The following NSD1 variants were observed in gnomAD, a reference collection of about 807,000 sequenced individuals.
The protein encoded by NSD1 is histone-lysine N-methyltransferase, H3 lysine-36 specific.
In NSD1, 26 loss-of-function variants were observed where a neutral mutation model predicts 242.7. The observed-to-expected ratio is 0.11, with a 90% CI of 0.08 to 0.15. The LOEUF (loss-of-function observed/expected upper bound fraction) is 0.15. Among genes scored for constraint, NSD1 ranks in the 10% least tolerant of loss-of-function variants. The pLI, the probability that NSD1 is intolerant of heterozygous loss-of-function variation, is 1.00. For synonymous variants in NSD1, 1,106 were observed against 1,178.1 expected (o/e 0.94, Z 1.25); for missense variants, 2,495 against 3,272.8 (o/e 0.76, Z 5.80).
At chr5:177,255,728 G>A (rs188191569) in intron 12 of NSD1, among the ~76,000 whole-genome samples, 42 of 152,096 alleles carry the variant, frequency 2.8e-4, no homozygotes, top group Admixed American at 1.5e-3. Flanking sequence ...GATTATAGGC[G>A]CCTGCCACCA....
chr5:177,279,933 A>G (rs1215743741), intron 17 of NSD1, among the ~76,000 whole-genome samples: 1 of 149,642 alleles, frequency 6.7e-6, no homozygotes, highest in Admixed American at 6.7e-5. Flanking sequence ...ATTTTTTAAA[A>G]TGAATTTCAA....
intron 3 of NSD1, among the ~76,000 whole-genome samples, chr5:177,195,762 A>G (rs1456740020): frequency 6.6e-6 from 1 of 152,076 alleles, no homozygotes; most frequent in Admixed American, 6.6e-5. Context: ...GAGCTACCGC[A>G]CTCAGCCTAT....
intron 21 of NSD1, among the ~76,000 whole-genome samples, chr5:177,290,206 A>G (rs1759707866): frequency 6.8e-6 from 1 of 146,690 alleles, no homozygotes; most frequent in Non-Finnish European, 1.5e-5. Flanking sequence ...GGATGGACAT[A>G]CTAGATGAAC....
chr5:177,168,243 C>T (rs527661345), intron 2 of NSD1, among the ~76,000 whole-genome samples: 16 of 152,146 alleles, frequency 1.1e-4, no homozygotes, highest in African/African-American at 3.9e-4. Flanking sequence ...TTGTTAATTC[C>T]CACAGTTTTA....
intron 2 of NSD1, among the ~76,000 whole-genome samples, chr5:177,166,003 G>A (rs537771278): frequency 3.6e-4 from 53 of 148,670 alleles, no homozygotes; most frequent in African/African-American, 1.3e-3. Flanking sequence ...TCCGCCTCCC[G>A]GGTTCAAGCG....
In NSD1 at chr5:177,158,633, C is replaced by T. The variant is rs536230551; in HGVS notation, c.927+22603C>T. On this transcript the variant is annotated intron_variant, in intron 2 of 22. Transcript: ENST00000439151. ...GATTACAGGCATGAGCCACTGCATC[C>T]GGGCGTGGGTTCTAAATTCTTAATA... is the stretch of plus-strand genomic sequence containing the variant. Among the ~76,000 whole-genome samples the T allele has an allele frequency of 2.1e-4, 32 of 151,884 alleles. 2 individuals carry two copies. Among genetic ancestry groups the T allele is most frequent in the Non-Finnish European group, 7.4e-5 (5 of 68,010 alleles).
chr5:177,248,030 G>T, intron 10 of NSD1, 151 bp from the exon 11 acceptor site: 1 of 1,514,554 alleles, frequency 6.6e-7, no homozygotes, highest in Admixed American at 2.0e-5. Context: ...TCACAGCAGG[G>T]TTAGAACTAA....
At chr5:177,207,533 C>T (rs1445408506) in intron 4 of NSD1, among the ~76,000 whole-genome samples, 2 of 149,160 alleles carry the variant, frequency 1.3e-5, no homozygotes, top group African/African-American at 5.0e-5. Flanking sequence ...CTGCCCACCT[C>T]AGCCTCCCAA....
At chr5:177,221,639 T>G (rs531667317) in intron 5 of NSD1, among the ~76,000 whole-genome samples, 44 of 151,806 alleles carry the variant, frequency 2.9e-4, no homozygotes, top group African/African-American at 9.9e-4. Flanking sequence ...CCTGGCTAAT[T>G]TTTGCATTTT....
chr5:177,268,930 GT>G (rs1173503669), intron 15 of NSD1, among the ~76,000 whole-genome samples: 1 of 151,882 alleles, frequency 6.6e-6, no homozygotes, highest in Non-Finnish European at 1.5e-5. Context: ...GTTTTTCTTG[GT>G]TTATATACTT....
At chr5:177,206,556 C>T (rs1384043145) in intron 4 of NSD1, among the ~76,000 whole-genome samples, 1 of 152,150 alleles carries the variant, frequency 6.6e-6, no homozygotes, top group Non-Finnish European at 1.5e-5. Context: ...AAAGCTAGTA[C>T]AATAACTTAC....
At position 177,135,410 on chromosome 5, in the gene NSD1, A is replaced by G. The variant is rs2149755759; in HGVS notation, c.307A>G (p.Ser103Gly). 9 of 1,613,618 alleles carry G rather than the reference A, an allele frequency of 5.6e-6. No individual in the cohort carries two copies. Among genetic ancestry groups the G allele is most frequent in the Non-Finnish European group, 7.6e-6 (9 of 1,179,756 alleles). Residue 103 changes from serine (S) to glycine (G), a missense_variant, in exon 2 of 23, where the codon AGT (serine) becomes GGT (glycine). Coordinates refer to ENST00000439151, the MANE Select transcript of NSD1 (RefSeq NM_022455.5). ...AGAATCCTTTCAAGACCCTGAAAAA[A>G]GTGATTCAAGAGCTCAGACGCCAAT... ...GSESFQDPEK[S>G]DSRAQTPIVC...
intron 5 of NSD1, among the ~76,000 whole-genome samples, chr5:177,234,883 TATAAA>T (rs1408534767): frequency 6.6e-6 from 1 of 152,168 alleles, no homozygotes; most frequent in Non-Finnish European, 1.5e-5. Flanking sequence ...CTTCTTACCT[TATAAA>T]ATAAAACAGT....
intron 5 of NSD1, among the ~76,000 whole-genome samples, 185 bp downstream of exon 5, chr5:177,212,380 A>G (rs559354274): frequency 1.3e-5 from 2 of 152,214 alleles, no homozygotes; most frequent in African/African-American, 2.4e-5. Context: ...ATTTCCATAT[A>G]TATTCAAAAG....
chr5:177,284,077 C>G, intron 20 of NSD1, 149 bp downstream of exon 20: 2 of 969,080 alleles, frequency 2.1e-6, no homozygotes, highest in Non-Finnish European at 3.2e-6. Flanking sequence ...GCAACCATCA[C>G]CACCATCCGT....
intron 14 of NSD1, among the ~76,000 whole-genome samples, chr5:177,263,734 T>C (rs1176279774): frequency 6.6e-6 from 1 of 152,240 alleles, no homozygotes; most frequent in Non-Finnish European, 1.5e-5. Flanking sequence ...CGTTTTTAAT[T>C]GTAAGAGTTA....
intron 2 of NSD1, among the ~76,000 whole-genome samples, chr5:177,185,806 T>TATATATA (rs1381999212): frequency 1.9e-4 from 17 of 87,766 alleles, no homozygotes; most frequent in African/African-American, 8.7e-4. Context: ...TATATATATA[T>TATATATA]AAATTTATAT....
chr5:177,257,817 T>TTTTAA (rs146566828), intron 13 of NSD1, among the ~76,000 whole-genome samples: 59 of 139,736 alleles, frequency 4.2e-4, no homozygotes, highest in African/African-American at 8.0e-4. Context: ...CTGGGCTTTT[T>TTTTAA]TTTTATTTTA....
At chr5:177,223,822 C>T (rs1279904354) in intron 5 of NSD1, among the ~76,000 whole-genome samples, 1 of 151,812 alleles carries the variant, frequency 6.6e-6, no homozygotes, top group Non-Finnish European at 1.5e-5. Flanking sequence ...CTCATCTCTA[C>T]TAAAAATACA....
Sources: gnomAD v4.1 joint callset for allele counts (sites outside exome capture counted in the v4.1 genomes callset) on GRCh38, gnomAD v4.1.1 for gene constraint, MANE v1.5 for transcripts, NCBI Gene and HGNC (gene_info 2026-07-23, HGNC 2026-07-21) for gene names.